The following VPS13B variants were observed in gnomAD, a reference collection of about 807,000 sequenced individuals.
The protein encoded by VPS13B is intermembrane lipid transfer protein VPS13B.
In VPS13B, 285 loss-of-function variants were observed where a neutral mutation model predicts 426.4. That is an observed-to-expected ratio of 0.67 (90% CI 0.61 to 0.74). VPS13B has a LOEUF of 0.74. Among genes scored for constraint, VPS13B ranks in the 30% least tolerant of loss-of-function variants. The pLI, the probability that VPS13B is intolerant of heterozygous loss-of-function variation, is 0.00. For missense variants in VPS13B, 4,537 were observed against 4,782.6 expected (o/e 0.95, Z 1.51); for synonymous variants, 1,676 against 1,676.4 (o/e 1.00, Z 0.01).
chr8:99,556,676 T>C (rs1824586380), intron 31 of VPS13B, 23 bp downstream of exon 31: 1 of 1,606,914 alleles, frequency 6.2e-7, no homozygotes, highest in African/African-American at 1.3e-5. Context: ...TGAGAAACTT[T>C]CTACTCTTTC....
At chr8:99,416,951 A>G (rs900220996) in intron 21 of VPS13B, among the ~76,000 whole-genome samples, 3 of 152,200 alleles carry the variant, frequency 2.0e-5, no homozygotes, top group African/African-American at 7.2e-5. Flanking sequence ...AATTAAGTTT[A>G]TATCTTATCT....
Position 99,501,816 on chromosome 8 carries a change from A to G in VPS13B, c.4000A>G (p.Thr1334Ala). 1 of 1,614,066 alleles carries G rather than the reference A, an allele frequency of 6.2e-7. No homozygotes were observed. Residue 1334 changes from threonine (T) to alanine (A), a missense_variant, in exon 26 of 62, where the codon ACT becomes GCT. By Grantham distance (58) the Thr-to-Ala change is moderately conservative. This residue lies in a region of VPS13B where 4,311 missense variants were observed against 4,474.3 expected (regional missense o/e 0.96). Coordinates refer to ENST00000357162, the MANE Select transcript of VPS13B (RefSeq NM_152564.5). ...LWMQWVLPKI[T>A]IKLFAPDPEN... is the part of the protein sequence containing the mutation. Reference sequence around the variant, plus strand: ...GATGCAGTGGGTGCTTCCCAAAATTACTATAAAGCTCTTTGCTCCAGATCC... The same window carrying G: ...GATGCAGTGGGTGCTTCCCAAAATTGCTATAAAGCTCTTTGCTCCAGATCC...
intron 19 of VPS13B, among the ~76,000 whole-genome samples, chr8:99,305,711 C>T (rs1405261540): frequency 6.6e-6 from 1 of 151,956 alleles, no homozygotes; most frequent in African/African-American, 2.4e-5. Flanking sequence ...AGATTTTGAA[C>T]TAAAAATCTT....
intron 21 of VPS13B, among the ~76,000 whole-genome samples, chr8:99,421,361 A>G (rs956758781): frequency 3.3e-5 from 5 of 152,246 alleles, no homozygotes; most frequent in African/African-American, 1.2e-4. Flanking sequence ...CTCTAGTGGG[A>G]ATGAGTAAAT....
rs554824185 is a variant in VPS13B, at chr8:99,491,456, T to C, written c.3870+9654T>C. 5.3e-5 allele frequency among the ~76,000 whole-genome samples: 8 copies of C among 152,318 alleles called. No homozygotes were observed. In the South Asian group the frequency reaches 1.7e-3, roughly 32 times the overall value. On this transcript the variant is annotated intron_variant, in intron 25 of 61. Transcript: ENST00000357162. Reference sequence around the variant, plus strand: ...TCCTGGATAATATCCTGAAGAGTATTTTCTAACTTGATTCCATTTTCCCCA... The same window carrying C: ...TCCTGGATAATATCCTGAAGAGTATCTTCTAACTTGATTCCATTTTCCCCA...
chr8:99,385,317 C>G (rs1814055138), intron 20 of VPS13B, among the ~76,000 whole-genome samples: 1 of 152,134 alleles, frequency 6.6e-6, no homozygotes, highest in Admixed American at 6.5e-5. Flanking sequence ...TTCCCATCAA[C>G]TTAAGTATAA....
intron 17 of VPS13B, chr8:99,240,954 G>C (rs1430867771): frequency 6.6e-6 from 1 of 152,526 alleles, no homozygotes; most frequent in African/African-American, 2.4e-5. Flanking sequence ...GTGTTTATGT[G>C]CAGTGCACAC....
At chr8:99,488,911 G>A (rs1338686114) in intron 25 of VPS13B, among the ~76,000 whole-genome samples, 1 of 152,048 alleles carries the variant, frequency 6.6e-6, no homozygotes, top group African/African-American at 2.4e-5. Flanking sequence ...GTCTATTTTG[G>A]CTTTTGTTGC....
At chr8:99,604,546 C>A (rs1470526783) in intron 33 of VPS13B, among the ~76,000 whole-genome samples, 2 of 134,462 alleles carry the variant, frequency 1.5e-5, no homozygotes, top group Non-Finnish European at 3.1e-5. Context: ...GTCGCCCAGG[C>A]TGGAGTGCAG....
At chr8:99,328,993 A>C (rs1460544843) in intron 19 of VPS13B, among the ~76,000 whole-genome samples, 1 of 152,142 alleles carries the variant, frequency 6.6e-6, no homozygotes, top group Non-Finnish European at 1.5e-5. Flanking sequence ...TAAGTTGCTC[A>C]TCTACTAAGA....
intron 51 of VPS13B, among the ~76,000 whole-genome samples, chr8:99,824,746 G>A (rs1181224827): frequency 6.6e-6 from 1 of 151,868 alleles, no homozygotes. Context: ...CCTGCGACAG[G>A]CCCTGGTGTG....
At chr8:99,265,382 C>T (rs1818243880) in intron 17 of VPS13B, among the ~76,000 whole-genome samples, 2 of 152,210 alleles carry the variant, frequency 1.3e-5, no homozygotes, top group South Asian at 2.1e-4. Flanking sequence ...TGAGCTTGCT[C>T]GTTTCAGAGA....
chr8:99,428,115 A>T (rs1816836905), intron 21 of VPS13B, among the ~76,000 whole-genome samples: 1 of 152,186 alleles, frequency 6.6e-6, no homozygotes, highest in Admixed American at 6.5e-5. Flanking sequence ...TCCCTTCCTT[A>T]CACCTTATAC....
At chr8:99,272,986 G>A (rs1460216684) in intron 17 of VPS13B, among the ~76,000 whole-genome samples, 1 of 151,952 alleles carries the variant, frequency 6.6e-6, no homozygotes, top group Admixed American at 6.6e-5. Flanking sequence ...TTCAGAATGG[G>A]GATGCTCTAC....
chr8:99,493,426 A>G lies in VPS13B; in HGVS notation c.3871-8261A>G, dbSNP rs187276045. Reference sequence around the variant, plus strand: ...ATCTTAATTGAAAAGGTACTTGGCTATAACACATATCTGATCTAAATTTGA... The same window carrying G: ...ATCTTAATTGAAAAGGTACTTGGCTGTAACACATATCTGATCTAAATTTGA... On this transcript the variant is annotated intron_variant, in intron 25 of 61. Transcript: ENST00000357162. Among the ~76,000 whole-genome samples, 8 of 152,348 alleles carry G rather than the reference A, an allele frequency of 5.3e-5. No homozygotes were observed. In the East Asian group the frequency reaches 1.5e-3, roughly 29 times the overall value.
intron 30 of VPS13B, among the ~76,000 whole-genome samples, chr8:99,529,958 T>G (rs1241733444): frequency 6.6e-6 from 1 of 152,216 alleles, no homozygotes; most frequent in Non-Finnish European, 1.5e-5. Flanking sequence ...AAGTTAAATA[T>G]TTTGTCTAAT....
intron 30 of VPS13B, among the ~76,000 whole-genome samples, chr8:99,554,818 C>G (rs1308163267): frequency 6.6e-6 from 1 of 152,060 alleles, no homozygotes; most frequent in African/African-American, 2.4e-5. Flanking sequence ...CCTTCATACC[C>G]CCACTGTCAT....
At chr8:99,345,642 A>G (rs1811496645) in intron 19 of VPS13B, among the ~76,000 whole-genome samples, 2 of 152,064 alleles carry the variant, frequency 1.3e-5, no homozygotes, top group Non-Finnish European at 2.9e-5. Flanking sequence ...TCTTATATAC[A>G]CTTTTTGTGA....
At chr8:99,081,665 T>C (rs1845469422) in intron 3 of VPS13B, among the ~76,000 whole-genome samples, 1 of 145,146 alleles carries the variant, frequency 6.9e-6, no homozygotes, top group African/African-American at 2.5e-5. Flanking sequence ...CGTATGTCCA[T>C]GTGTTCTCAT....
Sources: gnomAD v4.1 joint callset for allele counts (sites outside exome capture counted in the v4.1 genomes callset) on GRCh38, gnomAD v4.1.1 for gene constraint, gnomAD v4.1.1 regional missense constraint, MANE v1.5 for transcripts, NCBI Gene and HGNC (gene_info 2026-07-23, HGNC 2026-07-21) for gene names.